ERF: variants seen among roughly 807,000 people sequenced by gnomAD.
The protein encoded by ERF is ETS2 repressor factor, also known as ETS domain-containing transcription factor ERF.
ERF carries 10 observed loss-of-function variants against 41.6 expected under a neutral mutation model. That is an observed-to-expected ratio of 0.24 (90% CI 0.15 to 0.41). ERF has a LOEUF of 0.41. Ranked by LOEUF, ERF falls within the 10% of genes least tolerant of loss-of-function variation. The probability of loss-of-function intolerance (pLI) is 1.00; values close to 1 mark genes in which losing one functional copy is unlikely to be tolerated. For missense variants in ERF, 621 were observed against 763.2 expected (o/e 0.81, Z 2.19); for synonymous variants, 395 against 342.4 (o/e 1.15, Z -1.70).
Position 42,250,064 on chromosome 19 carries a change from G to A in ERF, c.258-122C>T. 1.0e-6 allele frequency: 1 copy of A among 983,828 alleles called. No homozygotes were observed. Among genetic ancestry groups the A allele is most frequent in the Admixed American group, 1.8e-5 (1 of 54,314 alleles). 60.9% of individuals were successfully genotyped at this position (983,828 alleles called of 1,614,324 possible). Reference sequence around the variant, plus strand: ...CAACTGAGGAACGTAGGCCACAAAAGACAAATCAAGTGCCCAGAGGGTGGG... The same window carrying A: ...CAACTGAGGAACGTAGGCCACAAAAAACAAATCAAGTGCCCAGAGGGTGGG... On this transcript the variant is annotated intron_variant, in intron 2 of 3. Coordinates refer to ENST00000222329, the MANE Select transcript of ERF (RefSeq NM_006494.4). The surrounding 1 kb of genome is among the most constrained non-coding windows in gnomAD (Gnocchi z 5.1).
At chr19:42,253,760 C>T in intron 1 of ERF, 1 of 656,508 alleles carries the variant, frequency 1.5e-6, no homozygotes, top group Non-Finnish European at 1.9e-6. Flanking sequence ...CCCCCACCCG[C>T]CGAGCAGGGG....
At position 42,249,088 on chromosome 19, in the gene ERF, G is replaced by T; in HGVS notation, c.1024C>A (p.Pro342Thr). The T allele has an allele frequency of 6.2e-7, 1 of 1,613,650 alleles. No individual in the cohort carries two copies. Among genetic ancestry groups the T allele is most frequent in the Admixed American group, 1.7e-5 (1 of 60,000 alleles). The change falls in exon 4 of 4, where the codon CCC (proline) becomes ACC (threonine). Residue 342 changes from proline (P) to threonine (T), a missense_variant. Pro to Thr is a conservative substitution (Grantham distance 38). Transcript: ENST00000222329. The surrounding 1 kb of genome is among the most constrained non-coding windows in gnomAD (Gnocchi z 8.6). ...AGCGGGCACTTGTCAGGGCGCTGGGGCTGGGGCACCACCAGCCCAGGGTAG... is the reference window on the plus strand; with the variant it reads ...AGCGGGCACTTGTCAGGGCGCTGGGTCTGGGGCACCACCAGCCCAGGGTAG... ...LHYPGLVVPQ[P>T]QRPDKCPLPP...
rs1214231498 is a variant in ERF, at chr19:42,250,660, A to G, written c.23-95T>C. On this transcript the variant is annotated intron_variant, in intron 1 of 3. Coordinates refer to ENST00000222329, the MANE Select transcript of ERF (RefSeq NM_006494.4). The surrounding 1 kb of genome is among the most constrained non-coding windows in gnomAD (Gnocchi z 5.1). ...GGTCCACCTCTGCCCTGCCTTCAAC[A>G]TGGGGAAATCTGTCTCACCTCAGCC... 1 of 1,215,154 alleles carries G rather than the reference A, an allele frequency of 8.2e-7. No individual in the cohort carries two copies. The highest frequency in any genetic ancestry group is 2.3e-5 in the Admixed American group (1 of 43,056). The allele number at this position is 1,215,154 out of a possible 1,614,324, so 75.3% of individuals were successfully genotyped here.
intron 1 of ERF, among the ~76,000 whole-genome samples, chr19:42,251,772 G>A (rs1423059650): frequency 1.3e-5 from 2 of 152,082 alleles, no homozygotes; most frequent in African/African-American, 4.8e-5. Flanking sequence ...ATCCAACAAG[G>A]GATCCTTCCC....
At chr19:42,253,910 A>G (rs2036489545) in intron 1 of ERF, 2 of 1,058,742 alleles carry the variant, frequency 1.9e-6, no homozygotes, top group Non-Finnish European at 2.3e-6. Context: ...AAGTTTGAAC[A>G]GCGGCGCCCG....
chr19:42,249,771 G>C lies in ERF; in HGVS notation c.374-33C>G, dbSNP rs2036413185. 6.2e-7 allele frequency: 1 copy of C among 1,613,508 alleles called. No individual in the cohort carries two copies. The highest frequency in any genetic ancestry group is 8.5e-7 in the Non-Finnish European group (1 of 1,179,674). ...AAGGGAGACAGTGTCAAGGCCCCTG[G>C]CCTAGCCTGAAGGGGCATGTAGACC... On this transcript the variant is annotated intron_variant, in intron 3 of 3. Coordinates refer to ENST00000222329, the MANE Select transcript of ERF (RefSeq NM_006494.4). This position sits in a 1 kb window ranked among gnomAD's most constrained non-coding sequence, Gnocchi z 8.6.
chr19:42,254,100 GC>G (rs1367637177), intron 1 of ERF, among the ~76,000 whole-genome samples: 8 of 149,604 alleles, frequency 5.3e-5, no homozygotes, highest in Admixed American at 5.3e-4. Context: ...TAATCCCGCT[GC>G]CCCCCGCCCG....
At chr19:42,252,602 AC>A (rs1156536771) in intron 1 of ERF, among the ~76,000 whole-genome samples, 1 of 151,718 alleles carries the variant, frequency 6.6e-6, no homozygotes, top group African/African-American at 2.4e-5. Context: ...TCCCTGAGCA[AC>A]CCCTCCTCCA....
chr19:42,252,235 C>G (rs932977237), intron 1 of ERF, among the ~76,000 whole-genome samples: 9 of 152,214 alleles, frequency 5.9e-5, no homozygotes, highest in African/African-American at 2.2e-4. Flanking sequence ...GGGAACCAAG[C>G]TCCATGTTAC....
At position 42,250,288 on chromosome 19, in the gene ERF, G is replaced by A. The variant is rs201149950; in HGVS notation, c.257+43C>T. 2 of 1,596,484 alleles carry A rather than the reference G, an allele frequency of 1.3e-6. No homozygotes were observed. Among genetic ancestry groups the A allele is most frequent in the Middle Eastern group, 1.7e-4 (1 of 5,858 alleles). On this transcript the variant is annotated intron_variant, in intron 2 of 3. Coordinates refer to ENST00000222329, the MANE Select transcript of ERF (RefSeq NM_006494.4). The surrounding 1 kb of genome is among the most constrained non-coding windows in gnomAD (Gnocchi z 5.1). ...AGGCAAGGGGCTGTGCAACCCCGGG[G>A]GGGCACTCCACATGTGCTCAGGGGT...
In ERF at chr19:42,248,589, C is replaced by T. The variant is rs1440898775; in HGVS notation, c.1523G>A (p.Gly508Asp). 3 of 1,585,380 alleles carry T rather than the reference C, an allele frequency of 1.9e-6. No individual in the cohort carries two copies. The highest frequency in any genetic ancestry group is 2.6e-6 in the Non-Finnish European group (3 of 1,164,936). The change falls in exon 4 of 4, where the codon GGT (glycine) becomes GAT (aspartate). Residue 508 changes from glycine to aspartate, a missense_variant. Around this residue, in one of 3 missense-constraint regions of ERF, gnomAD observed 569 missense variants for 625.5 expected, o/e 0.91. Coordinates refer to ENST00000222329, the MANE Select transcript of ERF (RefSeq NM_006494.4). The surrounding 1 kb of genome is among the most constrained non-coding windows in gnomAD (Gnocchi z 4.2). ...CTCCCCACGCACCTTCTTGTCCTCA[C>T]CCTCATCCTCAAAGCCCCCAGCGGG... ...GGPAGGFEDE[G>D]EDKKVRGEGP... is the part of the protein sequence containing the mutation.
At chr19:42,254,851 G>T in intron 1 of ERF, 127 bp downstream of exon 1, 2 of 1,122,818 alleles carry the variant, frequency 1.8e-6, no homozygotes, top group Non-Finnish European at 2.4e-6. Context: ...GGTCTCCAGT[G>T]CTTGAGGGGT....
Position 42,249,119 on chromosome 19 carries a change from G to C in ERF, c.993C>G (p.Phe331Leu). 1 of 1,613,894 alleles carries C rather than the reference G, an allele frequency of 6.2e-7. No homozygotes were observed. The change falls in exon 4 of 4, where the codon TTC (phenylalanine) becomes TTG (leucine). Residue 331 changes from phenylalanine (F) to leucine (L), a missense_variant. Coordinates refer to ENST00000222329, the MANE Select transcript of ERF (RefSeq NM_006494.4). This position sits in a 1 kb window ranked among gnomAD's most constrained non-coding sequence, Gnocchi z 8.6. ...VYNYHLSPRA[F>L]LHYPGLVVPQ... The stretch of plus-strand genomic sequence containing the variant: ...GCACCACCAGCCCAGGGTAGTGCAG[G>C]AAGGCGCGGGGGCTGAGGTGGTAGT...
chr19:42,253,102 G>T (rs943711891), intron 1 of ERF, among the ~76,000 whole-genome samples: 6 of 152,196 alleles, frequency 3.9e-5, no homozygotes, highest in African/African-American at 1.2e-4. Context: ...TGCAAGCCTG[G>T]GGGGACAAAA....
In ERF at chr19:42,250,673, T is replaced by C. The variant is rs1231003772; in HGVS notation, c.23-108A>G. On this transcript the variant is annotated intron_variant, in intron 1 of 3. Transcript: ENST00000222329. This position sits in a 1 kb window ranked among gnomAD's most constrained non-coding sequence, Gnocchi z 5.1. ...CCTGCCTTCAACATGGGGAAATCTG[T>C]CTCACCTCAGCCAAGTCAAGATCTG... The C allele has an allele frequency of 8.4e-6, 9 of 1,065,702 alleles. No individual in the cohort carries two copies. Among genetic ancestry groups the C allele is most frequent in the Non-Finnish European group, 1.1e-5 (8 of 735,354 alleles). The allele number at this position is 1,065,702 out of a possible 1,614,324, so 66.0% of individuals were successfully genotyped here.
intron 1 of ERF, chr19:42,253,835 C>A (rs2036487630): frequency 9.7e-7 from 1 of 1,029,122 alleles, no homozygotes; most frequent in South Asian, 3.0e-5. Context: ...CCGGTCGGGG[C>A]ACACACCCGC....
chr19:42,253,268 G>A (rs1211928449), intron 1 of ERF, among the ~76,000 whole-genome samples: 1 of 152,180 alleles, frequency 6.6e-6, no homozygotes, highest in African/African-American at 2.4e-5. Context: ...TGGCGCCAGA[G>A]CCGGGAAGAA....
intron 1 of ERF, among the ~76,000 whole-genome samples, chr19:42,253,461 G>C (rs966043009): frequency 2.6e-5 from 4 of 152,120 alleles, no homozygotes; most frequent in African/African-American, 9.7e-5. Flanking sequence ...CCCCCGACAG[G>C]GTTGGGGAAG....
chr19:42,254,012 C>T (rs1463443064), intron 1 of ERF: 2 of 923,140 alleles, frequency 2.2e-6, no homozygotes, highest in South Asian at 4.5e-5. Flanking sequence ...CCTGCGCGCT[C>T]GGGCGCAAAG....
Sources: gnomAD v4.1 joint callset for allele counts (sites outside exome capture counted in the v4.1 genomes callset) on GRCh38, gnomAD v4.1.1 for gene constraint, gnomAD v4.1.1 regional missense constraint, Gnocchi (gnomAD v3.1) non-coding constraint, MANE v1.5 for transcripts, NCBI Gene and HGNC (gene_info 2026-07-23, HGNC 2026-07-21) for gene names.